PDE10A: variants seen among roughly 807,000 people sequenced by gnomAD.
PDE10A encodes phosphodiesterase 10A.
Under a neutral mutation model 97.7 loss-of-function variants are expected in PDE10A, and 39 were observed. The observed-to-expected ratio is 0.40, with a 90% CI of 0.31 to 0.52. PDE10A has a LOEUF of 0.52. PDE10A is among the 20% of genes least tolerant of loss of function. PDE10A has a pLI of 0.56. For missense variants in PDE10A, 731 were observed against 1,047.8 expected (o/e 0.70, Z 4.17); for synonymous variants, 371 against 376.8 (o/e 0.98, Z 0.18).
intron 3 of PDE10A, among the ~76,000 whole-genome samples, chr6:165,478,978 A>C (rs1033221136): frequency 6.6e-6 from 1 of 152,172 alleles, no homozygotes; most frequent in Non-Finnish European, 1.5e-5. Context: ...ACCAAGGGAC[A>C]TGTACTGAAT....
At chr6:165,666,160 A>G (rs1356139402), upstream of PDE10A, among the ~76,000 whole-genome samples, 1 of 152,182 alleles carries the variant, frequency 6.6e-6, no homozygotes, top group Non-Finnish European at 1.5e-5. Flanking sequence ...TTAATATTTT[A>G]TGAACTTTTT....
At chr6:165,572,792 G>A (rs368325003) in intron 1 of PDE10A, among the ~76,000 whole-genome samples, 2 of 152,288 alleles carry the variant, frequency 1.3e-5, no homozygotes, top group South Asian at 2.1e-4. Flanking sequence ...AGCCACGATC[G>A]TGCCACTGCA....
intron 1 of PDE10A, among the ~76,000 whole-genome samples, chr6:165,659,073 A>G (rs1007419544): frequency 6.6e-6 from 1 of 152,188 alleles, no homozygotes; most frequent in East Asian, 1.9e-4. Flanking sequence ...TGTTTGGTGC[A>G]TGAGTGAGCG....
At chr6:165,542,212 T>C (rs1783483032) in intron 2 of PDE10A, among the ~76,000 whole-genome samples, 2 of 152,070 alleles carry the variant, frequency 1.3e-5, no homozygotes, top group South Asian at 4.1e-4. Flanking sequence ...CAAAAACACA[T>C]ATAAAATTGT....
At chr6:165,566,561 T>C (rs116265031) in intron 1 of PDE10A, among the ~76,000 whole-genome samples, 2,074 of 152,156 alleles carry the variant, frequency 0.014, 41 homozygotes, top group African/African-American at 0.044. Context: ...CCAGAAAACA[T>C]AGGACAGGAA....
chr6:165,351,119 T>C (rs1490368870), intron 18 of PDE10A, among the ~76,000 whole-genome samples: 1 of 152,218 alleles, frequency 6.6e-6, no homozygotes, highest in Non-Finnish European at 1.5e-5. Context: ...GTATGTCTTA[T>C]GTAAACAAAT....
At chr6:165,551,636 G>A (rs1298209896) in intron 1 of PDE10A, among the ~76,000 whole-genome samples, 1 of 152,188 alleles carries the variant, frequency 6.6e-6, no homozygotes. Context: ...AGCCCAGGAT[G>A]TCAGCTCTTA....
chr6:165,950,255 C>T (rs1047458747), intron 1 of PDE10A, among the ~76,000 whole-genome samples: 2 of 152,200 alleles, frequency 1.3e-5, no homozygotes, highest in Non-Finnish European at 2.9e-5. Flanking sequence ...CCAGCATACA[C>T]AAAAGTACAG....
At chr6:165,457,436 TTTTA>T (rs1403490199) in intron 3 of PDE10A, among the ~76,000 whole-genome samples, 1 of 152,188 alleles carries the variant, frequency 6.6e-6, no homozygotes, top group African/African-American at 2.4e-5. Context: ...AGTACTTGCG[TTTTA>T]TTTGAGCAAC....
chr6:165,716,950 C>T (rs1417559617), intron 1 of PDE10A, among the ~76,000 whole-genome samples: 2 of 152,148 alleles, frequency 1.3e-5, no homozygotes, highest in East Asian at 1.9e-4. Flanking sequence ...GAACACTTTT[C>T]GTCTTGCAAA....
At chr6:165,350,183 C>T (rs570141435) in intron 18 of PDE10A, among the ~76,000 whole-genome samples, 10 of 152,330 alleles carry the variant, frequency 6.6e-5, no homozygotes, top group African/African-American at 2.4e-4. Flanking sequence ...CCCATGCAAG[C>T]AGCCGGGAGG....
chr6:165,809,846 A>C (rs1333979273), intron 1 of PDE10A, among the ~76,000 whole-genome samples: 1 of 152,208 alleles, frequency 6.6e-6, no homozygotes, highest in African/African-American at 2.4e-5. Flanking sequence ...TGCACAGCCT[A>C]TGCAGTGAAT....
intron 2 of PDE10A, among the ~76,000 whole-genome samples, chr6:165,511,339 T>C (rs1381441166): frequency 2.0e-5 from 3 of 152,044 alleles, no homozygotes; most frequent in African/African-American, 4.8e-5. Flanking sequence ...GTTTCTAAAG[T>C]TTCTTTCTTT....
At chr6:165,805,644 C>G (rs892843685) in intron 1 of PDE10A, among the ~76,000 whole-genome samples, 3 of 152,178 alleles carry the variant, frequency 2.0e-5, no homozygotes, top group Non-Finnish European at 4.4e-5. Flanking sequence ...GGGGAGAGAA[C>G]GGGCCCTCAG....
intron 21 of PDE10A, among the ~76,000 whole-genome samples, chr6:165,334,349 C>T (rs537131): frequency 0.18 from 26,016 of 143,094 alleles, 2,301 homozygotes; most frequent in African/African-American, 0.24. Flanking sequence ...CGCCCTACAG[C>T]GCCGGGCACG....
chr6:165,758,667 G>A (rs1293438542), intron 1 of PDE10A, among the ~76,000 whole-genome samples: 1 of 150,780 alleles, frequency 6.6e-6, no homozygotes, highest in East Asian at 2.0e-4. Context: ...GGAGGAAGAG[G>A]AGGAAGAGGA....
chr6:165,817,917 A>C (rs1583139037), intron 1 of PDE10A, among the ~76,000 whole-genome samples: 1 of 152,204 alleles, frequency 6.6e-6, no homozygotes, highest in East Asian at 1.9e-4. Flanking sequence ...GAGCAAGCCT[A>C]TCTGACCCTA....
At chr6:165,609,488 G>C (rs1787387387) in intron 1 of PDE10A, among the ~76,000 whole-genome samples, 1 of 152,176 alleles carries the variant, frequency 6.6e-6, no homozygotes, top group Non-Finnish European at 1.5e-5. Context: ...ATTCAACATA[G>C]TGTTGGAAGT....
At chr6:165,768,830 T>C (rs1777932317) in intron 1 of PDE10A, among the ~76,000 whole-genome samples, 1 of 152,146 alleles carries the variant, frequency 6.6e-6, no homozygotes, top group Non-Finnish European at 1.5e-5. Context: ...AGGAACTTGG[T>C]GATCGTAATC....
Sources: allele counts gnomAD v4.1 joint callset (sites outside exome capture counted in the v4.1 genomes callset), GRCh38; gene constraint gnomAD v4.1.1; transcripts MANE v1.5; gene names NCBI Gene and HGNC (gene_info 2026-07-23, HGNC 2026-07-21).